METTL8: variants seen among roughly 807,000 people sequenced by gnomAD.
The protein encoded by METTL8 is methyltransferase 8, tRNA N3-cytidine.
In METTL8, 32 loss-of-function variants were observed where a neutral mutation model predicts 48.7. The ratio of observed to expected loss-of-function variants is 0.66; its 90% CI spans 0.50 to 0.88. METTL8 has a LOEUF of 0.88. METTL8 is among the 40% of genes least tolerant of loss of function. The pLI is 0.00. For synonymous variants in METTL8, 136 were observed against 157.1 expected, an observed-to-expected ratio of 0.87 and a Z score of 1.01; for missense variants, 464 against 474.4, an observed-to-expected ratio of 0.98 and a Z score of 0.20.
At chr2:171,398,251 T>C (rs1039541703) in intron 1 of METTL8, among the ~76,000 whole-genome samples, 1 of 152,130 alleles carries the variant, frequency 6.6e-6, no homozygotes, top group East Asian at 1.9e-4. Context: ...CACGTGTCCA[T>C]TGAAGATAAA....
intron 9 of METTL8, among the ~76,000 whole-genome samples, chr2:171,324,662 T>C (rs1299300265): frequency 1.3e-5 from 2 of 152,244 alleles, no homozygotes; most frequent in African/African-American, 2.4e-5. Flanking sequence ...TGAGTTTTTG[T>C]TGGTTTACAG....
At position 171,317,622 on chromosome 2, in the gene METTL8, GTA is replaced by G. The variant is rs1381176569; in HGVS notation, c.*6548_*6549del. Reference sequence around the variant, plus strand: ...TTCCCTCTTTATGTAACGTTAACGTGTATTTATTCATTCAGCTAACTCTAGCT... The same window carrying G: ...TTCCCTCTTTATGTAACGTTAACGTGTTTATTCATTCAGCTAACTCTAGCT... On this transcript the variant is annotated 3_prime_UTR_variant, in exon 10 of 10. Coordinates refer to ENST00000375258, the MANE Select transcript of METTL8 (RefSeq NM_001321154.2). 1.3e-5 allele frequency: 2 copies of G among 152,192 alleles called. No individual in the cohort carries two copies. The allele number at this position is 152,192 out of a possible 1,614,324, so 9.4% of individuals were successfully genotyped here.
intron 2 of METTL8, among the ~76,000 whole-genome samples, chr2:171,369,921 C>G (rs1686134142): frequency 6.6e-6 from 1 of 152,004 alleles, no homozygotes; most frequent in Non-Finnish European, 1.5e-5. Flanking sequence ...CAAAAATTAG[C>G]TGGGCATGGT....
At chr2:171,404,349 C>T (rs73976153) in intron 1 of METTL8, among the ~76,000 whole-genome samples, 8,228 of 151,838 alleles carry the variant, frequency 0.054, 241 homozygotes, top group African/African-American at 0.072. Context: ...ATCTGAAGGA[C>T]GATCAGCTGC....
intron 1 of METTL8, among the ~76,000 whole-genome samples, chr2:171,395,390 C>A (rs540472699): frequency 6.6e-6 from 1 of 151,994 alleles, no homozygotes; most frequent in Non-Finnish European, 1.5e-5. Flanking sequence ...TATAAATGGG[C>A]TCCAATTAAA....
rs985940789 is a variant in METTL8 at position 171,319,518 on chromosome 2, T to C, written c.*4654A>G. 7.2e-5 allele frequency: 11 copies of C among 152,250 alleles called. No homozygotes were observed. Among genetic ancestry groups the C allele is most frequent in the Admixed American group, 2.0e-4 (3 of 15,280 alleles). The allele number at this position is 152,250 out of a possible 1,614,324, so 9.4% of individuals were successfully genotyped here. A position where few individuals can be genotyped will look rare whatever the true frequency, so the allele number is the denominator to read the frequency against. The stretch of plus-strand genomic sequence containing the variant: ...TAAGTTTTGCCTCCAAGAGGGCAGC[T>C]ATCTGCATATGGGTGAATTTTCACG... On this transcript the variant is annotated 3_prime_UTR_variant, in exon 10 of 10. Transcript: ENST00000375258.
intron 1 of METTL8, among the ~76,000 whole-genome samples, chr2:171,397,377 A>AAAAAAAAC (rs1559172294): frequency 6.9e-6 from 1 of 144,170 alleles, no homozygotes; most frequent in African/African-American, 2.5e-5. Flanking sequence ...AAAAAAAAAA[A>AAAAAAAAC]AACAACATCA....
At chr2:171,379,074 C>A (rs748511998) in intron 2 of METTL8, among the ~76,000 whole-genome samples, 2 of 152,182 alleles carry the variant, frequency 1.3e-5, no homozygotes, top group African/African-American at 2.4e-5. Context: ...GACCACATTA[C>A]AATCAAATTA....
intron 3 of METTL8, among the ~76,000 whole-genome samples, chr2:171,359,222 A>C (rs1334711634): frequency 1.3e-5 from 2 of 152,150 alleles, no homozygotes; most frequent in Non-Finnish European, 1.5e-5. Context: ...ATTTCTCAAA[A>C]GAAGGCATAC....
intron 3 of METTL8, among the ~76,000 whole-genome samples, chr2:171,340,280 A>C (rs927162102): frequency 6.6e-6 from 1 of 150,848 alleles, no homozygotes; most frequent in African/African-American, 2.4e-5. Context: ...AGGCAGATGG[A>C]CACTTGAGGT....
chr2:171,326,418 T>C, intron 7 of METTL8: 1 of 350,650 alleles, frequency 2.9e-6, no homozygotes, highest in Non-Finnish European at 5.1e-6. Flanking sequence ...ACGTATGATG[T>C]CAAAGCTAAA....
intron 3 of METTL8, among the ~76,000 whole-genome samples, chr2:171,344,308 G>A (rs1312398147): frequency 6.6e-6 from 1 of 152,174 alleles, no homozygotes; most frequent in Non-Finnish European, 1.5e-5. Context: ...CACCCAGCCA[G>A]AAAGAACAGA....
In METTL8 at chr2:171,404,035, T is replaced by C. The variant is rs143150651; in HGVS notation, c.-12-11838A>G. 2.4e-3 allele frequency among the ~76,000 whole-genome samples: 287 copies of C among 121,690 alleles called. 4 individuals carry two copies. Among genetic ancestry groups the C allele is most frequent in the East Asian group, 0.011 (46 of 4,218 alleles). 79.8% of individuals were successfully genotyped at this position (121,690 alleles called of 152,430 possible). ...AAACTGTGAATAGTAACAAACCCTA[T>C]ACATACTATGCTTTCTCATATATAT... On this transcript the variant is annotated intron_variant, in intron 1 of 9. Transcript: ENST00000375258.
chr2:171,427,012 T>C (rs1045281627), intron 1 of METTL8, among the ~76,000 whole-genome samples: 2 of 152,228 alleles, frequency 1.3e-5, no homozygotes, highest in Non-Finnish European at 2.9e-5. Context: ...AGCACTAATG[T>C]ATAATGCTGA....
intron 1 of METTL8, among the ~76,000 whole-genome samples, chr2:171,405,087 G>T (rs1456411249): frequency 6.6e-6 from 1 of 152,176 alleles, no homozygotes; most frequent in Non-Finnish European, 1.5e-5. Flanking sequence ...AGGCAAAAAG[G>T]CTAGATAATG....
intron 3 of METTL8, among the ~76,000 whole-genome samples, chr2:171,343,583 A>T (rs1310025976): frequency 6.6e-6 from 1 of 152,170 alleles, no homozygotes; most frequent in African/African-American, 2.4e-5. Context: ...TGAAAATTTG[A>T]AGCAATGATA....
intron 1 of METTL8, among the ~76,000 whole-genome samples, chr2:171,405,590 G>A (rs1436995475): frequency 1.3e-5 from 2 of 152,142 alleles, no homozygotes; most frequent in Non-Finnish European, 2.9e-5. Flanking sequence ...TATTTTGAGG[G>A]ATCATGTAGG....
intron 1 of METTL8, among the ~76,000 whole-genome samples, chr2:171,402,693 C>G (rs1377343031): frequency 6.6e-6 from 1 of 152,050 alleles, no homozygotes; most frequent in East Asian, 1.9e-4. Flanking sequence ...ACACCCAGTA[C>G]CCAGATCTTC....
intron 1 of METTL8, among the ~76,000 whole-genome samples, chr2:171,408,898 G>GT (rs34939517): frequency 0.063 from 9,620 of 152,260 alleles, 344 homozygotes; most frequent in African/African-American, 0.1. Flanking sequence ...TGGGTGCGTG[G>GT]TAAGTGTTCA....
Sources: gnomAD v4.1 joint callset for allele counts (sites outside exome capture counted in the v4.1 genomes callset) on GRCh38, gnomAD v4.1.1 for gene constraint, MANE v1.5 for transcripts, NCBI Gene and HGNC (gene_info 2026-07-23, HGNC 2026-07-21) for gene names.